PLPBP: variants seen among roughly 807,000 people sequenced by gnomAD.
PLPBP encodes the protein pyridoxal phosphate binding protein, also known as pyridoxal phosphate homeostasis protein.
In PLPBP, 21 loss-of-function variants were observed where a neutral mutation model predicts 31.2. The observed-to-expected ratio is 0.67, with a 90% CI of 0.48 to 0.97. The LOEUF (loss-of-function observed/expected upper bound fraction) is 0.97. Ranked by LOEUF, PLPBP falls within the 50% of genes least tolerant of loss-of-function variation. The probability of loss-of-function intolerance (pLI) is 0.00; values close to 1 mark genes in which losing one functional copy is unlikely to be tolerated. For synonymous variants in PLPBP, 124 were observed against 135.6 expected (o/e 0.91, Z 0.59); for missense variants, 308 against 354.4 (o/e 0.87, Z 1.05).
intron 1 of PLPBP, 69 bp from the exon 2 acceptor site, chr8:37,765,457 C>T: frequency 7.1e-7 from 1 of 1,411,776 alleles, no homozygotes; most frequent in South Asian, 1.2e-5. Context: ...CCTACAGGAT[C>T]TATCCTATGG....
At chr8:37,771,243 TCTC>T (rs1399787683) in intron 4 of PLPBP, among the ~76,000 whole-genome samples, 2 of 151,932 alleles carry the variant, frequency 1.3e-5, no homozygotes, top group African/African-American at 2.4e-5. Flanking sequence ...TTGAAGGAAT[TCTC>T]CTACCTCAGC....
At chr8:37,763,950 G>C (rs562448563) in intron 1 of PLPBP, among the ~76,000 whole-genome samples, 112 of 152,304 alleles carry the variant, frequency 7.4e-4, no homozygotes, top group African/African-American at 2.6e-3. Context: ...TTGGGTGGCA[G>C]CAGAACGCAT....
intron 4 of PLPBP, chr8:37,766,647 A>T: frequency 6.9e-6 from 7 of 1,014,844 alleles, no homozygotes; most frequent in Non-Finnish European, 8.4e-6. Flanking sequence ...AAATTTTTTT[A>T]ACTAGCAAAA....
intron 1 of PLPBP, among the ~76,000 whole-genome samples, chr8:37,763,536 GTAAC>G (rs1365853251): frequency 6.6e-6 from 1 of 151,942 alleles, no homozygotes; most frequent in Non-Finnish European, 1.5e-5. Context: ...AACAAGTCAG[GTAAC>G]TATTCCGGCC....
Position 37,778,303 on chromosome 8 carries a change from T to G in PLPBP, c.*199T>G, listed in dbSNP as rs988248031. The G allele has an allele frequency of 1.0e-5, 5 of 480,220 alleles. No homozygotes were observed. The highest frequency in any genetic ancestry group is 1.8e-5 in the Non-Finnish European group (5 of 279,094). 29.7% of individuals were successfully genotyped at this position (480,220 alleles called of 1,614,324 possible). A position where few individuals can be genotyped will look rare whatever the true frequency, so the allele number is the denominator to read the frequency against. ...ATGGCTTTGGATTGAGTTTGAGAAA[T>G]TCAAACATTTCTGCAGAACAGATAC... On this transcript the variant is annotated 3_prime_UTR_variant, in exon 8 of 8. Transcript: ENST00000328195.
At position 37,775,404 on chromosome 8, in the gene PLPBP, A is replaced by G. The variant is rs774240953; in HGVS notation, c.520A>G (p.Asn174Asp). The G allele has an allele frequency of 6.2e-7, 1 of 1,614,236 alleles. No individual in the cohort carries two copies. ...GGAGCACATAAACGCCAAGTGTCCT[A>G]ACCTGGAGTTTGTGGGGCTGATGAC... is the stretch of plus-strand genomic sequence containing the variant. ...IVEHINAKCPNLEFVGLMTIG... is the reference protein window; with the variant it reads ...IVEHINAKCPDLEFVGLMTIG... Residue 174 changes from asparagine (N) to aspartate (D), a missense_variant, in exon 6 of 8, where the codon AAC becomes GAC. Physicochemically the swap from Asn to Asp is conservative, Grantham distance 23. Around this residue, in one of 2 missense-constraint regions of PLPBP, gnomAD observed 188 missense variants for 259.3 expected, o/e 0.73. Coordinates refer to ENST00000328195, the MANE Select transcript of PLPBP (RefSeq NM_007198.4).
In PLPBP at chr8:37,765,964, T is replaced by C. The variant is rs541871069; in HGVS notation, c.243+218T>C. Among the ~76,000 whole-genome samples the C allele has an allele frequency of 1.2e-3, 186 of 152,288 alleles. 2 individuals are homozygous for C. The highest frequency in any genetic ancestry group is 1.3e-3 in the Non-Finnish European group (86 of 68,032). ...TGTCGTTTTCTCATTGGTGGCTGTT[T>C]GGAAATGGTGGTTTCAGGAGCTTGC... On this transcript the variant is annotated intron_variant, in intron 3 of 7. Coordinates refer to ENST00000328195, the MANE Select transcript of PLPBP (RefSeq NM_007198.4).
In PLPBP at chr8:37,762,652, C is replaced by A. The variant is rs1159484159; in HGVS notation, c.-8C>A. 59 of 1,572,540 alleles carry A rather than the reference C, an allele frequency of 3.8e-5. No homozygotes were observed. The highest frequency in any genetic ancestry group is 5.1e-5 in the Non-Finnish European group (59 of 1,163,072). ...GGGGGCCTGGGGCTCGGCGTCGGTC[C>A]CCGGGGGATGTGGAGAGCTGGCAGC... is the stretch of plus-strand genomic sequence containing the variant. On this transcript the variant is annotated 5_prime_UTR_variant, in exon 1 of 8. Transcript: ENST00000328195.
At chr8:37,768,263 A>AG (rs1011628506) in intron 4 of PLPBP, among the ~76,000 whole-genome samples, 2 of 152,186 alleles carry the variant, frequency 1.3e-5, no homozygotes, top group Non-Finnish European at 2.9e-5. Flanking sequence ...CAATAACAGA[A>AG]GGGGATAAAC....
At chr8:37,762,973 G>A (rs1803521066) in intron 1 of PLPBP, among the ~76,000 whole-genome samples, 1 of 152,160 alleles carries the variant, frequency 6.6e-6, no homozygotes, top group Non-Finnish European at 1.5e-5. Context: ...TGGAGCAGAG[G>A]GTACCGCTAC....
At position 37,775,486 on chromosome 8, in the gene PLPBP, T is replaced by A. The variant is rs1563327441; in HGVS notation, c.597+5T>A. 6.2e-7 allele frequency: 1 copy of A among 1,613,642 alleles called. No homozygotes were observed. The highest frequency in any genetic ancestry group is 2.2e-5 in the East Asian group (1 of 44,882). On this transcript the variant is annotated splice_donor_5th_base_variant and intron_variant, in intron 6 of 7. Coordinates refer to ENST00000328195, the MANE Select transcript of PLPBP (RefSeq NM_007198.4). The stretch of plus-strand genomic sequence containing the variant: ...GGACCAAATCCAGACTTCCAGGTAC[T>A]GGGGGGTCGGGGAGATTGCTCGTGT...
chr8:37,775,861 CTT>C, intron 6 of PLPBP, 55 bp from the exon 7 acceptor site: 2 of 1,475,490 alleles, frequency 1.4e-6, no homozygotes, highest in Non-Finnish European at 1.9e-6. Context: ...GATTCAGACA[CTT>C]TTGGGCATCG....
Position 37,762,648 on chromosome 8 carries a change from G to T in PLPBP, c.-12G>T, listed in dbSNP as rs1262818135. The T allele has an allele frequency of 4.5e-6, 7 of 1,567,578 alleles. No homozygotes were observed. The African/African-American group carries it at 6.7e-5, about 15-fold the overall frequency. On this transcript the variant is annotated 5_prime_UTR_variant, in exon 1 of 8. Transcript: ENST00000328195. Reference sequence around the variant, plus strand: ...TGCCGGGGGCCTGGGGCTCGGCGTCGGTCCCCGGGGGATGTGGAGAGCTGG... The same window carrying T: ...TGCCGGGGGCCTGGGGCTCGGCGTCTGTCCCCGGGGGATGTGGAGAGCTGG...
At chr8:37,770,248 G>A (rs966114892) in intron 4 of PLPBP, among the ~76,000 whole-genome samples, 9 of 152,162 alleles carry the variant, frequency 5.9e-5, no homozygotes, top group Middle Eastern at 3.2e-3. Context: ...ATACTGTAGA[G>A]CTATAGTAAC....
intron 1 of PLPBP, among the ~76,000 whole-genome samples, chr8:37,764,252 A>G (rs956630483): frequency 1.3e-5 from 2 of 151,466 alleles, no homozygotes; most frequent in African/African-American, 2.4e-5. Flanking sequence ...ACAGGCACAC[A>G]CCACCACACC....
upstream of PLPBP, chr8:37,762,628 G>C: frequency 3.2e-6 from 5 of 1,550,412 alleles, no homozygotes; most frequent in Non-Finnish European, 4.3e-6. Flanking sequence ...CGGGCTGCCG[G>C]GGGCCTGGGG....
At chr8:37,776,053 G>A (rs368064212) in intron 7 of PLPBP, 37 bp downstream of exon 7, 347 of 1,572,776 alleles carry the variant, frequency 2.2e-4, no homozygotes, top group Non-Finnish European at 2.9e-4. Context: ...GCCTCGAGGG[G>A]TGGGGGTAGG....
At chr8:37,763,656 GGTTCTCTCAGGGAAACTCTCAGGCA>G (rs1433775839) in intron 1 of PLPBP, among the ~76,000 whole-genome samples, 1 of 152,146 alleles carries the variant, frequency 6.6e-6, no homozygotes, top group Non-Finnish European at 1.5e-5. Flanking sequence ...TCACCTTGGA[GGTTCTCTCAGGGAAACTCTCAGGCA>G]GATGGGCTGC....
chr8:37,770,295 A>G (rs1803736460), intron 4 of PLPBP, among the ~76,000 whole-genome samples: 1 of 152,224 alleles, frequency 6.6e-6, no homozygotes, highest in Non-Finnish European at 1.5e-5. Context: ...AGACCAATGG[A>G]ACAGAATAGA....
Sources: allele counts gnomAD v4.1 joint callset (sites outside exome capture counted in the v4.1 genomes callset), GRCh38; gene constraint gnomAD v4.1.1; regional missense constraint gnomAD v4.1.1; transcripts MANE v1.5; gene names NCBI Gene and HGNC (gene_info 2026-07-23, HGNC 2026-07-21).